Variants in FAT3 observed in about 807,000 individuals in gnomAD.
The protein encoded by FAT3 is protocadherin Fat 3.
Under a neutral mutation model 310.2 loss-of-function variants are expected in FAT3, and 95 were observed. The ratio of observed to expected loss-of-function variants is 0.31; its 90% CI spans 0.26 to 0.36. The LOEUF is 0.36. Among genes scored for constraint, FAT3 ranks in the 10% least tolerant of loss-of-function variants. The probability of loss-of-function intolerance (pLI) is 1.00; values close to 1 mark genes in which losing one functional copy is unlikely to be tolerated. For synonymous variants in FAT3, 2,314 were observed against 2,192.9 expected, an observed-to-expected ratio of 1.06 and a Z score of -1.54; for missense variants, 5,408 against 5,715.6, an observed-to-expected ratio of 0.95 and a Z score of 1.74.
intron 2 of FAT3, among the ~76,000 whole-genome samples, chr11:92,519,549 T>C (rs940586096): frequency 6.6e-6 from 1 of 152,024 alleles, no homozygotes; most frequent in African/African-American, 2.4e-5. Flanking sequence ...AAATATAAGA[T>C]TTTTACCTTC....
intron 4 of FAT3, among the ~76,000 whole-genome samples, chr11:92,705,797 G>A (rs924708665): frequency 1.6e-4 from 9 of 55,600 alleles, no homozygotes; most frequent in Middle Eastern, 0.015. Context: ...TGGTGTGATG[G>A]TGTTGGTGTT....
intron 2 of FAT3, among the ~76,000 whole-genome samples, chr11:92,512,506 AAAAAATATATAT>A (rs1953327346): frequency 6.8e-6 from 1 of 147,690 alleles, no homozygotes; most frequent in Admixed American, 6.8e-5. Context: ...ATATCTCAAA[AAAAAATATATAT>A]AAATATATAT....
At chr11:92,683,071 C>CAAAA (rs1314048364) in intron 3 of FAT3, among the ~76,000 whole-genome samples, 320 of 34,186 alleles carry the variant, frequency 9.4e-3, no homozygotes, top group Non-Finnish European at 0.014. Flanking sequence ...CAGCAAGACT[C>CAAAA]TAAAAAAAAA....
chr11:92,832,155 AC>A, intron 14 of FAT3, 144 bp downstream of exon 14: 1 of 945,062 alleles, frequency 1.1e-6, no homozygotes, highest in Admixed American at 3.0e-5. Flanking sequence ...ACAGAGTGAG[AC>A]CCTGTCTCTA....
intron 3 of FAT3, among the ~76,000 whole-genome samples, chr11:92,570,258 T>C (rs1955625929): frequency 6.6e-6 from 1 of 152,168 alleles, no homozygotes; most frequent in South Asian, 2.1e-4. Context: ...ACTTTGTATC[T>C]CTCCTCTAGA....
At chr11:92,877,827 C>T (rs979177800) in intron 22 of FAT3, among the ~76,000 whole-genome samples, 4 of 152,178 alleles carry the variant, frequency 2.6e-5, no homozygotes, top group African/African-American at 9.7e-5. Flanking sequence ...TATGCAGCTA[C>T]TCCTCAACTT....
At chr11:92,856,143 G>C (rs929751660) in intron 19 of FAT3, among the ~76,000 whole-genome samples, 7 of 152,024 alleles carry the variant, frequency 4.6e-5, no homozygotes, top group Admixed American at 3.3e-4. Flanking sequence ...ACTGCACTTG[G>C]CTGGGACAAT....
At chr11:92,654,519 G>A (rs1440831499) in intron 3 of FAT3, among the ~76,000 whole-genome samples, 2 of 152,086 alleles carry the variant, frequency 1.3e-5, no homozygotes, top group East Asian at 3.9e-4. Flanking sequence ...TAGCTATGCA[G>A]GCCAAAAACC....
At chr11:92,691,680 C>A (rs1312231417) in intron 3 of FAT3, among the ~76,000 whole-genome samples, 1 of 152,096 alleles carries the variant, frequency 6.6e-6, no homozygotes, top group Non-Finnish European at 1.5e-5. Flanking sequence ...CACACCTGGC[C>A]AAGAGTTGCT....
chr11:92,380,714 G>T (rs1949475286), intron 2 of FAT3, among the ~76,000 whole-genome samples: 4 of 152,140 alleles, frequency 2.6e-5, no homozygotes, highest in Admixed American at 2.6e-4. Context: ...GTTTGGGAAG[G>T]ATATGGGATC....
rs1947234631 is a variant in FAT3 at position 92,798,413 on chromosome 11, C to A, written c.5400C>A (p.Ala1800=). 2.5e-6 allele frequency: 4 copies of A among 1,613,212 alleles called. No homozygotes were observed. Among genetic ancestry groups the A allele is most frequent in the Middle Eastern group, 3.3e-4 (2 of 6,062 alleles). ...ATAACAGCCCACTGGTGATTCGAGCCACAGATGCTGACAGCAACCGGAATG... is the reference window on the plus strand; with the variant it reads ...ATAACAGCCCACTGGTGATTCGAGCAACAGATGCTGACAGCAACCGGAATG... ...SLDNSPLVIR[A]TDADSNRNAL... Residue 1800 remains alanine, a synonymous_variant, in exon 10 of 28, where the codon GCC becomes GCA. Transcript: ENST00000525166.
At chr11:92,228,672 C>T (rs927906110) in intron 1 of FAT3, among the ~76,000 whole-genome samples, 1 of 152,150 alleles carries the variant, frequency 6.6e-6, no homozygotes, top group Non-Finnish European at 1.5e-5. Flanking sequence ...GTGGCTGTTG[C>T]GTTGTTATGC....
intron 2 of FAT3, among the ~76,000 whole-genome samples, chr11:92,424,821 A>C (rs1281578569): frequency 1.3e-5 from 2 of 152,164 alleles, no homozygotes; most frequent in Non-Finnish European, 2.9e-5. Context: ...AACTTGGAAA[A>C]CACTGAAGAC....
At chr11:92,705,353 G>A (rs1944243912) in intron 4 of FAT3, among the ~76,000 whole-genome samples, 1 of 134,264 alleles carries the variant, frequency 7.4e-6, no homozygotes. Flanking sequence ...GGTGATGATG[G>A]TAGTGTGATG....
intron 2 of FAT3, among the ~76,000 whole-genome samples, chr11:92,501,737 G>A (rs369940760): frequency 2.6e-5 from 4 of 152,134 alleles, no homozygotes; most frequent in South Asian, 4.1e-4. Context: ...GAAGCAACAT[G>A]TGCCAGTCGT....
At chr11:92,792,096 C>T (rs1208364810) in intron 8 of FAT3, among the ~76,000 whole-genome samples, 1 of 152,202 alleles carries the variant, frequency 6.6e-6, no homozygotes, top group African/African-American at 2.4e-5. Context: ...ACCACTCCTA[C>T]TTGTTCTTGT....
rs747788526 is a variant in FAT3 at position 92,353,255 on chromosome 11, C to T, written c.1143C>T (p.Tyr381=). 23 of 1,613,498 alleles carry T rather than the reference C, an allele frequency of 1.4e-5. No individual in the cohort carries two copies. Among genetic ancestry groups the T allele is most frequent in the Non-Finnish European group, 1.8e-5 (21 of 1,179,814 alleles). ...TVPIRFEKEV[Y]DVSISEFSPP... Reference sequence around the variant, plus strand: ...CCATTAGATTTGAAAAAGAAGTGTACGATGTGAGCATAAGTGAATTTTCCC... The same window carrying T: ...CCATTAGATTTGAAAAAGAAGTGTATGATGTGAGCATAAGTGAATTTTCCC... The change falls in exon 2 of 28, where the codon TAC becomes TAT. Residue 381 remains tyrosine (Y), a synonymous_variant. Transcript: ENST00000525166.
chr11:92,370,806 T>G (rs188111667), intron 2 of FAT3, among the ~76,000 whole-genome samples: 173 of 152,318 alleles, frequency 1.1e-3, no homozygotes, highest in African/African-American at 4.1e-3. Flanking sequence ...GTGATTATGC[T>G]AACTCAAAAT....
chr11:92,751,835 T>G (rs1212242552), intron 4 of FAT3, among the ~76,000 whole-genome samples: 3 of 152,130 alleles, frequency 2.0e-5, no homozygotes, highest in African/African-American at 7.2e-5. Context: ...CAAACAGACT[T>G]GGGCGCAAAC....
Sources: allele counts gnomAD v4.1 joint callset (sites outside exome capture counted in the v4.1 genomes callset), GRCh38; gene constraint gnomAD v4.1.1; transcripts MANE v1.5; gene names NCBI Gene and HGNC (gene_info 2026-07-23, HGNC 2026-07-21).